STK32B: variants seen among roughly 807,000 people sequenced by gnomAD.
The protein encoded by STK32B is serine/threonine kinase 32B, also known as serine/threonine-protein kinase 32B.
STK32B carries 43 observed loss-of-function variants against 52.6 expected under a neutral mutation model. The ratio of observed to expected loss-of-function variants is 0.82; its 90% confidence interval spans 0.64 to 1.05. The LOEUF (loss-of-function observed/expected upper bound fraction) is 1.05. Ranked by LOEUF, STK32B falls within the 50% of genes least tolerant of loss-of-function variation. The probability of loss-of-function intolerance (pLI) is 0.00; values close to 1 mark genes in which losing one functional copy is unlikely to be tolerated. For synonymous variants in STK32B, 238 were observed against 204.3 expected (o/e 1.17, Z -1.41); for missense variants, 621 against 534.6 (o/e 1.16, Z -1.59).
rs114658247 is a variant in STK32B, at chr4:5,209,018, C to T, written c.260+40568C>T. On this transcript the variant is annotated intron_variant, in intron 3 of 11. Coordinates refer to ENST00000282908, the MANE Select transcript of STK32B (RefSeq NM_018401.3). The stretch of plus-strand genomic sequence containing the variant: ...TTTCAAAGTCCTGCCCAGTTGGGCA[C>T]ATGCCCCTCTCATGGCCCCTTTTCC... Among the ~76,000 whole-genome samples the T allele has an allele frequency of 6.3e-3, 960 of 152,370 alleles. 11 individuals carry two copies. The highest frequency in any genetic ancestry group is 0.021 in the African/African-American group (894 of 41,594).
chr4:5,125,750 G>A (rs959103101), intron 1 of STK32B, among the ~76,000 whole-genome samples: 3 of 152,138 alleles, frequency 2.0e-5, no homozygotes, highest in Non-Finnish European at 4.4e-5. Flanking sequence ...CAAGAGGTCT[G>A]CTTCCTCCTT....
At chr4:5,349,924 T>A (rs1270818768) in intron 4 of STK32B, among the ~76,000 whole-genome samples, 1 of 151,852 alleles carries the variant, frequency 6.6e-6, no homozygotes, top group African/African-American at 2.4e-5. Context: ...AATAAACTAG[T>A]CAGACAAAAA....
At chr4:5,373,565 C>A (rs561060090) in intron 4 of STK32B, among the ~76,000 whole-genome samples, 3 of 152,284 alleles carry the variant, frequency 2.0e-5, no homozygotes, top group East Asian at 3.9e-4. Context: ...CCTGCTTTAC[C>A]CAGTCCACCA....
chr4:5,327,847 A>T (rs1035704958), intron 3 of STK32B, among the ~76,000 whole-genome samples: 1 of 152,216 alleles, frequency 6.6e-6, no homozygotes, highest in Admixed American at 6.5e-5. Flanking sequence ...TGAAAGTCCT[A>T]AATGACATCT....
At chr4:5,248,719 A>G (rs1441578917) in intron 3 of STK32B, among the ~76,000 whole-genome samples, 2 of 152,234 alleles carry the variant, frequency 1.3e-5, no homozygotes, top group Non-Finnish European at 2.9e-5. Context: ...AATGTGGCAC[A>G]TATACACCGT....
chr4:5,324,247 G>T (rs955910217), intron 3 of STK32B, among the ~76,000 whole-genome samples: 3 of 152,292 alleles, frequency 2.0e-5, no homozygotes, highest in Middle Eastern at 3.4e-3. Context: ...CCAGCTACTG[G>T]GGAGGGTGAG....
chr4:5,274,738 A>T (rs1053229742), intron 3 of STK32B, among the ~76,000 whole-genome samples: 1 of 151,908 alleles, frequency 6.6e-6, no homozygotes, highest in African/African-American at 2.4e-5. Context: ...CACTCTATTA[A>T]ATCTTGCAAC....
At chr4:5,456,576 C>T (rs1441974502) in intron 7 of STK32B, among the ~76,000 whole-genome samples, 13 of 152,174 alleles carry the variant, frequency 8.5e-5, no homozygotes, top group Non-Finnish European at 1.9e-4. Flanking sequence ...CCACCCCTAA[C>T]ATGCTGTGGC....
intron 3 of STK32B, among the ~76,000 whole-genome samples, chr4:5,315,127 G>A (rs1287593057): frequency 6.6e-6 from 1 of 152,120 alleles, no homozygotes; most frequent in Non-Finnish European, 1.5e-5. Flanking sequence ...AGTCTCAACA[G>A]TAAATTTTTT....
At chr4:5,313,207 T>C (rs1730430653) in intron 3 of STK32B, among the ~76,000 whole-genome samples, 1 of 151,830 alleles carries the variant, frequency 6.6e-6, no homozygotes. Context: ...AGATTCACTA[T>C]AGACTTGCAA....
At position 5,270,328 on chromosome 4, in the gene STK32B, C is replaced by A. The variant is rs1436370535; in HGVS notation, c.261-60892C>A. 2.0e-5 allele frequency among the ~76,000 whole-genome samples: 3 copies of A among 152,152 alleles called. No individual in the cohort carries two copies. The East Asian group carries it at 5.8e-4, about 29-fold the overall frequency. Reference sequence around the variant, plus strand: ...ATGCTCGAAGGCAGGAAGCATCCAGCACTGGAGAAAGATGTAGGCCAGAAG... The same window carrying A: ...ATGCTCGAAGGCAGGAAGCATCCAGAACTGGAGAAAGATGTAGGCCAGAAG... On this transcript the variant is annotated intron_variant, in intron 3 of 11. Transcript: ENST00000282908.
chr4:5,065,652 A>G lies in STK32B; in HGVS notation c.52+13737A>G, dbSNP rs1448044468. Among the ~76,000 whole-genome samples the G allele has an allele frequency of 2.0e-5, 3 of 152,338 alleles. No individual in the cohort carries two copies. In the East Asian group the frequency reaches 5.8e-4, roughly 29 times the overall value. The stretch of plus-strand genomic sequence containing the variant: ...AATGTCTACAGGGTCCAGCTCCAAC[A>G]TCACAAATTTGATTTGGAGCTGAGA... On this transcript the variant is annotated intron_variant, in intron 1 of 11. Coordinates refer to ENST00000282908, the MANE Select transcript of STK32B (RefSeq NM_018401.3).
the STK32B span, among the ~76,000 whole-genome samples, chr4:5,041,389 C>T: frequency 2.3e-4 from 35 of 152,288 alleles, 1 homozygote; most frequent in African/African-American, 7.9e-4. Flanking sequence ...CGTTTGGCAG[C>T]TACGGAGCCT....
At chr4:5,387,747 T>C (rs1308258289) in intron 4 of STK32B, among the ~76,000 whole-genome samples, 3 of 151,888 alleles carry the variant, frequency 2.0e-5, no homozygotes, top group African/African-American at 7.2e-5. Flanking sequence ...TGTTTTTTTA[T>C]TCGTTTGTTT....
chr4:5,052,532 C>A (rs960193450), intron 1 of STK32B, among the ~76,000 whole-genome samples: 1 of 152,100 alleles, frequency 6.6e-6, no homozygotes, highest in African/African-American at 2.4e-5. Context: ...TGGCTGGATC[C>A]TTGCGGTTCA....
chr4:5,441,645 G>A (rs565000861), intron 6 of STK32B, among the ~76,000 whole-genome samples: 1 of 151,996 alleles, frequency 6.6e-6, no homozygotes, highest in African/African-American at 2.4e-5. Context: ...CCTTCTGCTA[G>A]CTTTTGAATG....
chr4:5,275,008 G>A (rs773777554), intron 3 of STK32B, among the ~76,000 whole-genome samples: 5 of 152,168 alleles, frequency 3.3e-5, no homozygotes, highest in African/African-American at 4.8e-5. Flanking sequence ...GTGCTCTTCC[G>A]TGACCCACGA....
At chr4:5,482,845 C>A (rs1363737556) in intron 11 of STK32B, among the ~76,000 whole-genome samples, 1 of 152,188 alleles carries the variant, frequency 6.6e-6, no homozygotes, top group Non-Finnish European at 1.5e-5. Context: ...TTGAGATAAT[C>A]ATGTGGTTTT....
chr4:5,188,648 T>G (rs1325115539), intron 3 of STK32B, among the ~76,000 whole-genome samples: 1 of 152,220 alleles, frequency 6.6e-6, no homozygotes, highest in Admixed American at 6.5e-5. Context: ...ACCCACTTCC[T>G]GTGTGGCTAC....
Sources: gnomAD v4.1 joint callset for allele counts (sites outside exome capture counted in the v4.1 genomes callset) on GRCh38, gnomAD v4.1.1 for gene constraint, MANE v1.5 for transcripts, NCBI Gene and HGNC (gene_info 2026-07-23, HGNC 2026-07-21) for gene names.